GFOD2: variants seen among roughly 807,000 people sequenced by gnomAD.
GFOD2 encodes glucose-fructose oxidoreductase domain-containing protein 2.
Under a neutral mutation model 24.6 loss-of-function variants are expected in GFOD2, and 9 were observed. That is an observed-to-expected ratio of 0.37 (90% CI 0.22 to 0.64). The LOEUF (loss-of-function observed/expected upper bound fraction) is 0.64, where lower values mean the gene tolerates loss of function less well. Among genes scored for constraint, GFOD2 ranks in the 30% least tolerant of loss-of-function variants. The probability of loss-of-function intolerance (pLI) is 0.65; values close to 1 mark genes in which losing one functional copy is unlikely to be tolerated. For synonymous variants in GFOD2, 211 were observed against 224.8 expected (o/e 0.94, Z 0.55); for missense variants, 476 against 532.5 (o/e 0.89, Z 1.04).
In GFOD2 at chr16:67,709,417, G is replaced by A. The variant is rs929563773; in HGVS notation, c.-88+9746C>T. On this transcript the variant is annotated intron_variant, in intron 1 of 2. Coordinates refer to ENST00000268797, the MANE Select transcript of GFOD2 (RefSeq NM_030819.4). Reference sequence around the variant, plus strand: ...AGATTGATTAATAAATACTTATTAAGCACAGACTATGAGCCAGGCCTCAGC... The same window carrying A: ...AGATTGATTAATAAATACTTATTAAACACAGACTATGAGCCAGGCCTCAGC... 3.9e-5 allele frequency among the ~76,000 whole-genome samples: 6 copies of A among 152,188 alleles called. No homozygotes were observed. The East Asian group carries it at 1.2e-3, about 29-fold the overall frequency.
intron 1 of GFOD2, among the ~76,000 whole-genome samples, chr16:67,713,531 TAC>T (rs1319711359): frequency 3.3e-5 from 5 of 152,208 alleles, no homozygotes; most frequent in African/African-American, 1.2e-4. Context: ...CCTGATGGGC[TAC>T]AGACTGGAGA....
chr16:67,675,376 C>A lies in GFOD2; in HGVS notation c.937G>T (p.Ala313Ser), dbSNP rs760896889. Residue 313 changes from alanine to serine, a missense_variant, in exon 3 of 3, where the codon GCC (alanine) becomes TCC (serine). By Grantham distance (99) the Ala-to-Ser change is moderately conservative. Transcript: ENST00000268797. ...TGCCCCTGGAAGGACTGGCGCAAGG[C>A]CTGCACCATGTAGACCATGCCCTTC... ...YLKGMVYMVQ[A>S]LRQSFQGQGD... The A allele has an allele frequency of 6.2e-7, 1 of 1,613,422 alleles. No homozygotes were observed. The highest frequency in any genetic ancestry group is 1.1e-5 in the South Asian group (1 of 91,074).
At chr16:67,710,068 C>T (rs1046341941) in intron 1 of GFOD2, among the ~76,000 whole-genome samples, 3 of 152,108 alleles carry the variant, frequency 2.0e-5, no homozygotes, top group Non-Finnish European at 4.4e-5. Flanking sequence ...GCCTCAGCCT[C>T]CCGAGTACCT....
chr16:67,682,240 G>A, intron 2 of GFOD2: 1 of 488,840 alleles, frequency 2.0e-6, no homozygotes, highest in Non-Finnish European at 2.7e-6. Flanking sequence ...GTTTCACCAG[G>A]TTGGTCAGGC....
intron 2 of GFOD2, chr16:67,682,060 T>C: frequency 4.7e-6 from 1 of 212,468 alleles, no homozygotes; most frequent in East Asian, 1.8e-4. Context: ...TTTTTTGAGA[T>C]GGAGTCTCGC....
At chr16:67,684,402 A>G (rs1414219620) in intron 2 of GFOD2, 1 of 150,754 alleles carries the variant, frequency 6.6e-6, no homozygotes, top group Non-Finnish European at 1.5e-5. Flanking sequence ...AATAATAATA[A>G]TTTTAAAAAA....
chr16:67,688,001 A>T (rs193002946), intron 1 of GFOD2, among the ~76,000 whole-genome samples: 1 of 152,124 alleles, frequency 6.6e-6, no homozygotes, highest in Non-Finnish European at 1.5e-5. Flanking sequence ...GTTTTTTTGT[A>T]TACAGATATT....
rs535572296 is a variant in GFOD2 at position 67,685,739 on chromosome 16, C to T, written c.-24G>A. The T allele has an allele frequency of 4.0e-5, 64 of 1,598,738 alleles. No homozygotes were observed. The South Asian group carries it at 5.5e-4, about 14-fold the overall frequency. On this transcript the variant is annotated 5_prime_UTR_variant, in exon 2 of 3. It removes an upstream start codon present in the reference 5' UTR. Transcript: ENST00000268797. The stretch of plus-strand genomic sequence containing the variant: ...ATCCCAGCCTCTCTCTTTACCAACT[C>T]ATCTCCTCACAAGAGCCTCTGGCAT...
chr16:67,697,649 G>GA (rs2053368214), intron 1 of GFOD2, among the ~76,000 whole-genome samples: 1 of 152,130 alleles, frequency 6.6e-6, no homozygotes, highest in Non-Finnish European at 1.5e-5. Flanking sequence ...AAACAAGAAA[G>GA]AAAAAGAGTC....
chr16:67,679,648 G>A (rs1393947978), intron 2 of GFOD2, among the ~76,000 whole-genome samples: 7 of 151,958 alleles, frequency 4.6e-5, no homozygotes. Flanking sequence ...CAGCACTTTG[G>A]GAGGCCGAGG....
chr16:67,706,802 G>A (rs1384226371), intron 1 of GFOD2, among the ~76,000 whole-genome samples: 2 of 152,024 alleles, frequency 1.3e-5, no homozygotes, highest in African/African-American at 2.4e-5. Flanking sequence ...TGTAACAAAG[G>A]ACTTGTCTGC....
At chr16:67,685,869 T>C in intron 1 of GFOD2, 67 bp from the exon 2 acceptor site, 1 of 921,736 alleles carries the variant, frequency 1.1e-6, no homozygotes. Flanking sequence ...CTTTCTTTTT[T>C]TTTTGAGATG....
chr16:67,700,909 C>T (rs1228201310), intron 1 of GFOD2, among the ~76,000 whole-genome samples: 8 of 147,780 alleles, frequency 5.4e-5, no homozygotes, highest in Non-Finnish European at 9.0e-5. Flanking sequence ...TGGTGGTGCA[C>T]GCCTGTAATC....
At chr16:67,713,546 C>T (rs2053489946) in intron 1 of GFOD2, among the ~76,000 whole-genome samples, 3 of 152,194 alleles carry the variant, frequency 2.0e-5, no homozygotes, top group African/African-American at 7.2e-5. Context: ...ACTGGAGATC[C>T]TATGACTCCC....
Position 67,685,514 on chromosome 16 carries a change from G to T in GFOD2, c.202C>A (p.Leu68Met). The change falls in exon 2 of 3, where the codon CTG becomes ATG. Residue 68 changes from leucine to methionine, a missense_variant. Physicochemically the swap from Leu to Met is conservative, Grantham distance 15 (BLOSUM62 2). Transcript: ENST00000268797. The stretch of plus-strand genomic sequence containing the variant: ...GGAGGGGGGATGCTGATGCACACCA[G>T]ATCCACATCTTGATGCAGCAAGATG... ...DDILLHQDVD[L>M]VCISIPPPLT... 1.9e-6 allele frequency: 3 copies of T among 1,614,184 alleles called. No homozygotes were observed. The highest frequency in any genetic ancestry group is 2.5e-6 in the Non-Finnish European group (3 of 1,180,032).
chr16:67,675,161 G>A lies in GFOD2; in HGVS notation c.1152C>T (p.Asn384=). The change falls in exon 3 of 3, where the codon AAC becomes AAT. Residue 384 remains asparagine (N), a synonymous_variant. Transcript: ENST00000268797. ...AAGGAGCCCAGGTGCAGGCTCATAG[G>A]TTGTTCCGCTGAAGTGCCTCACACA... The part of the protein sequence containing the change: ...QNLCEALQRN[N]L 1.2e-6 allele frequency: 2 copies of A among 1,611,368 alleles called. No individual in the cohort carries two copies. The highest frequency in any genetic ancestry group is 1.1e-5 in the South Asian group (1 of 90,682).
intron 1 of GFOD2, among the ~76,000 whole-genome samples, chr16:67,704,652 T>C (rs2053427463): frequency 6.6e-6 from 1 of 152,234 alleles, no homozygotes; most frequent in Non-Finnish European, 1.5e-5. Context: ...AACCAAATTG[T>C]TGCCAAGTGC....
chr16:67,695,392 A>G (rs1317738183), intron 1 of GFOD2, among the ~76,000 whole-genome samples: 6 of 151,602 alleles, frequency 4.0e-5, no homozygotes, highest in Non-Finnish European at 8.8e-5. Context: ...ATCTTCTACA[A>G]TTTTCATGTC....
intron 1 of GFOD2, among the ~76,000 whole-genome samples, chr16:67,714,107 G>A (rs1042019058): frequency 1.4e-4 from 22 of 152,054 alleles, no homozygotes; most frequent in African/African-American, 4.8e-4. Context: ...GCCACTGACC[G>A]TATGAACTAG....
Sources: gnomAD v4.1 joint callset for allele counts (sites outside exome capture counted in the v4.1 genomes callset) on GRCh38, gnomAD v4.1.1 for gene constraint, MANE v1.5 for transcripts, NCBI Gene and HGNC (gene_info 2026-07-23, HGNC 2026-07-21) for gene names.